The following WSB2 variants were observed in gnomAD, a reference collection of about 807,000 sequenced individuals.
WSB2 encodes the protein WD repeat and SOCS box-containing protein 2.
Under a neutral mutation model 48.8 loss-of-function variants are expected in WSB2, and 12 were observed. The ratio of observed to expected loss-of-function variants is 0.25; its 90% CI spans 0.16 to 0.40. The LOEUF is 0.40. Ranked by LOEUF, WSB2 falls within the 10% of genes least tolerant of loss-of-function variation. WSB2 has a pLI of 1.00. For missense variants in WSB2, 317 were observed against 506.2 expected (o/e 0.63, Z 3.59); for synonymous variants, 191 against 203.1 (o/e 0.94, Z 0.51).
rs140175692 is a variant in WSB2 at position 118,042,884 on chromosome 12, C to T, written c.516G>A (p.Ala172=). 44 of 1,614,192 alleles carry T rather than the reference C, an allele frequency of 2.7e-5. No homozygotes were observed. The highest frequency in any genetic ancestry group is 1.3e-4 in the African/African-American group (10 of 75,052). The part of the protein sequence containing the change: ...TPSGSLILVS[A]SRDKTLRIWD... ...AGATGCGAAGAGTCTTATCCCGTGACGCGGAGACCAAAATCAAACTGCCAC... is the reference window on the plus strand; with the variant it reads ...AGATGCGAAGAGTCTTATCCCGTGATGCGGAGACCAAAATCAAACTGCCAC... The change falls in exon 4 of 9, where the codon GCG becomes GCA. Residue 172 remains alanine (A), a synonymous_variant. Transcript: ENST00000315436.
chr12:118,062,132 T>C (rs1184491036), upstream of WSB2: 1 of 1,535,342 alleles, frequency 6.5e-7, no homozygotes, highest in East Asian at 2.4e-5. Flanking sequence ...CCCGTCCCCC[T>C]GAGAAACCTG....
rs532276381 is a variant in WSB2, at chr12:118,054,526, C to T, written c.14-2048G>A. Among the ~76,000 whole-genome samples, 147 of 151,886 alleles carry T rather than the reference C, an allele frequency of 9.7e-4. 1 individual carries two copies. Among genetic ancestry groups the T allele is most frequent in the Admixed American group, 2.0e-3 (31 of 15,238 alleles). ...TCTCTACTAAAAATACAAAATAAGC[C>T]GGGCTTGGTGGCGCATGCCTGTAAT... On this transcript the variant is annotated intron_variant, in intron 1 of 8. Transcript: ENST00000315436.
chr12:118,035,107 G>A lies in WSB2; in HGVS notation c.945-14C>T, dbSNP rs751498935. On this transcript the variant is annotated splice_polypyrimidine_tract_variant and intron_variant, in intron 7 of 8. Transcript: ENST00000315436. ...ATCCTGAGGAGTCTGGATGGGGAGA[G>A]AGAACATCTGGATATTAGCTGACCC... 1.2e-6 allele frequency: 2 copies of A among 1,613,882 alleles called. No individual in the cohort carries two copies. The highest frequency in any genetic ancestry group is 1.7e-6 in the Non-Finnish European group (2 of 1,179,762).
intron 2 of WSB2, among the ~76,000 whole-genome samples, chr12:118,046,051 T>C (rs556228690): frequency 6.6e-6 from 1 of 152,336 alleles, no homozygotes; most frequent in Non-Finnish European, 1.5e-5. Context: ...TAAAGTTTTA[T>C]TGGAACGCAG....
chr12:118,060,976 C>A lies in WSB2; in HGVS notation c.13+60G>T, dbSNP rs1395648890. 1.0e-5 allele frequency: 9 copies of A among 882,160 alleles called. No individual in the cohort carries two copies. Among genetic ancestry groups the A allele is most frequent in the Non-Finnish European group, 1.1e-5 (8 of 734,606 alleles). 54.6% of individuals were successfully genotyped at this position (882,160 alleles called of 1,614,324 possible). A position where few individuals can be genotyped will look rare whatever the true frequency, so the allele number is the denominator to read the frequency against. ...CCGCCCCGGGGTCGCCTCCCCCCTC[C>A]CCGGGGAGAACGGGCCAGGGCCCCG... On this transcript the variant is annotated intron_variant, in intron 1 of 8. Transcript: ENST00000315436. This position sits in a 1 kb window ranked among gnomAD's most constrained non-coding sequence, Gnocchi z 4.1.
chr12:118,038,247 C>T, intron 5 of WSB2, 41 bp downstream of exon 5: 1 of 1,583,076 alleles, frequency 6.3e-7, no homozygotes, highest in Non-Finnish European at 8.6e-7. Flanking sequence ...CTTCAGACCT[C>T]CATGTCTCAG....
intron 4 of WSB2, among the ~76,000 whole-genome samples, chr12:118,038,881 A>G (rs1229669610): frequency 1.3e-5 from 2 of 152,246 alleles, no homozygotes; most frequent in Non-Finnish European, 2.9e-5. Context: ...GGGTTTCACC[A>G]TATTGGCCAG....
chr12:118,035,199 A>C lies in WSB2; in HGVS notation c.944+15T>G. 1 of 1,613,920 alleles carries C rather than the reference A, an allele frequency of 6.2e-7. No homozygotes were observed. Among genetic ancestry groups the C allele is most frequent in the Non-Finnish European group, 8.5e-7 (1 of 1,179,796 alleles). On this transcript the variant is annotated intron_variant, in intron 7 of 8. Transcript: ENST00000315436. ...ACTTGTTCTGAGGCCATGTAAAGAGAGTTCTCTTCGTTACCTGTCATCTGC... is the reference window on the plus strand; with the variant it reads ...ACTTGTTCTGAGGCCATGTAAAGAGCGTTCTCTTCGTTACCTGTCATCTGC...
Position 118,042,746 on chromosome 12 carries a change from A to G in WSB2, c.559+95T>C, listed in dbSNP as rs2031662989. The G allele has an allele frequency of 1.6e-5, 24 of 1,529,538 alleles. 1 individual carries two copies. In the South Asian group the frequency reaches 2.7e-4, roughly 17 times the overall value. 94.7% of individuals were successfully genotyped at this position (1,529,538 alleles called of 1,614,324 possible). A position where few individuals can be genotyped will look rare whatever the true frequency, so the allele number is the denominator to read the frequency against. On this transcript the variant is annotated intron_variant, in intron 4 of 8. Transcript: ENST00000315436. ...GGGGCAATCACAGAAAAAAACATCA[A>G]GAAACACTGTTTTAGATAAAAATGA...
At chr12:118,042,993 C>T in intron 3 of WSB2, 21 bp from the exon 4 acceptor site, 2 of 1,614,036 alleles carry the variant, frequency 1.2e-6, no homozygotes, top group African/African-American at 2.7e-5. Flanking sequence ...AGCAGGGGCA[C>T]TGAGTCAGCC....
intron 4 of WSB2, among the ~76,000 whole-genome samples, chr12:118,041,069 A>G (rs1409498912): frequency 6.6e-6 from 1 of 152,204 alleles, no homozygotes; most frequent in Non-Finnish European, 1.5e-5. Context: ...AAACAAACCA[A>G]AAAAACACCT....
chr12:118,051,928 T>A (rs1272310637), intron 2 of WSB2, among the ~76,000 whole-genome samples: 2 of 152,118 alleles, frequency 1.3e-5, no homozygotes, highest in African/African-American at 4.8e-5. Context: ...GAGCCAAGAT[T>A]GCGCCATTGC....
intron 2 of WSB2, among the ~76,000 whole-genome samples, chr12:118,048,964 G>A (rs572009499): frequency 4.7e-4 from 71 of 152,246 alleles, no homozygotes; most frequent in Non-Finnish European, 6.5e-4. Flanking sequence ...CCTTCTACCC[G>A]GGAGCAGCTC....
At chr12:118,054,949 TG>T (rs1187560380) in intron 1 of WSB2, among the ~76,000 whole-genome samples, 2 of 147,936 alleles carry the variant, frequency 1.4e-5, no homozygotes, top group Non-Finnish European at 3.0e-5. Context: ...TAGGCCGAGA[TG>T]GGATGATAGC....
At chr12:118,040,631 C>T (rs1471660322) in intron 4 of WSB2, among the ~76,000 whole-genome samples, 1 of 149,002 alleles carries the variant, frequency 6.7e-6, no homozygotes, top group East Asian at 2.0e-4. Context: ...CATGGTGGCA[C>T]ACACCTGGAG....
Position 118,061,099 on chromosome 12 carries a change from G to A in WSB2, c.-51C>T. 5 of 980,070 alleles carry A rather than the reference G, an allele frequency of 5.1e-6. No homozygotes were observed. Among genetic ancestry groups the A allele is most frequent in the Non-Finnish European group, 6.0e-6 (5 of 827,934 alleles). The allele number at this position is 980,070 out of a possible 1,614,324, so 60.7% of individuals were successfully genotyped here. On this transcript the variant is annotated 5_prime_UTR_variant, in exon 1 of 9. Transcript: ENST00000315436. The stretch of plus-strand genomic sequence containing the variant: ...AGGCGGCGGGCGCCTCAGCCCCCCG[G>A]GCCGCGGGCCCTCATGCCGCCCCCG...
intron 4 of WSB2, among the ~76,000 whole-genome samples, chr12:118,038,878 AC>A (rs2031569564): frequency 6.6e-6 from 1 of 152,078 alleles, no homozygotes; most frequent in South Asian, 2.1e-4. Context: ...ACAGGGTTTC[AC>A]CATATTGGCC....
Position 118,035,288 on chromosome 12 carries a change from G to A in WSB2, c.870C>T (p.Asp290=), listed in dbSNP as rs748989960. ...TQVDPAMDDS[D]VHISSLRSVC... The stretch of plus-strand genomic sequence containing the variant: ...CAGATCTCAGTGAGCTAATGTGGAC[G>A]TCACTGTCATCCATGGCGGGGTCAA... The change falls in exon 7 of 9, where the codon GAC becomes GAT. Residue 290 remains aspartate (D), a synonymous_variant. Transcript: ENST00000315436. The A allele has an allele frequency of 1.1e-5, 17 of 1,614,078 alleles. No homozygotes were observed. The highest frequency in any genetic ancestry group is 3.3e-5 in the South Asian group (3 of 91,092).
intron 2 of WSB2, among the ~76,000 whole-genome samples, chr12:118,050,163 C>A (rs751388570): frequency 6.6e-6 from 1 of 151,592 alleles, no homozygotes; most frequent in African/African-American, 2.4e-5. Flanking sequence ...CCAGCCCGGG[C>A]GACAGAGCGA....
Sources: gnomAD v4.1 joint callset for allele counts (sites outside exome capture counted in the v4.1 genomes callset) on GRCh38, gnomAD v4.1.1 for gene constraint, Gnocchi (gnomAD v3.1) non-coding constraint, MANE v1.5 for transcripts, NCBI Gene and HGNC (gene_info 2026-07-23, HGNC 2026-07-21) for gene names.